The following TECPR2 variants were observed in gnomAD, a reference collection of about 807,000 sequenced individuals.
The protein encoded by TECPR2 is tectonin beta-propeller repeat containing 2, also known as tectonin beta-propeller repeat-containing protein 2.
Under a neutral mutation model 138.1 loss-of-function variants are expected in TECPR2, and 65 were observed. The observed-to-expected ratio is 0.47, with a 90% CI of 0.39 to 0.58. TECPR2 has a LOEUF of 0.58. TECPR2 is among the 20% of genes least tolerant of loss of function. TECPR2 has a pLI of 0.00. For synonymous variants in TECPR2, 746 were observed against 749.8 expected (o/e 0.99, Z 0.08); for missense variants, 1,553 against 1,824.5 (o/e 0.85, Z 2.71).
At chr14:102,380,996 G>A (rs1887796665) in intron 2 of TECPR2, among the ~76,000 whole-genome samples, 1 of 142,420 alleles carries the variant, frequency 7.0e-6, no homozygotes, top group Admixed American at 7.1e-5. Context: ...TTTTTTTTTG[G>A]CAGAGTTTCG....
intron 17 of TECPR2, among the ~76,000 whole-genome samples, chr14:102,477,803 C>T (rs1406738391): frequency 1.1e-4 from 15 of 135,332 alleles, no homozygotes; most frequent in African/African-American, 3.0e-4. Context: ...GGCGTGGTGG[C>T]GGGCGCCTGT....
intron 2 of TECPR2, among the ~76,000 whole-genome samples, chr14:102,401,908 C>T (rs890165313): frequency 7.3e-5 from 11 of 150,724 alleles, no homozygotes; most frequent in African/African-American, 2.2e-4. Flanking sequence ...GAAAAGGGAT[C>T]GGGGTGGCTA....
At chr14:102,461,642 C>T (rs1364992318) in intron 16 of TECPR2, among the ~76,000 whole-genome samples, 1 of 152,222 alleles carries the variant, frequency 6.6e-6, no homozygotes, top group Non-Finnish European at 1.5e-5. Context: ...ACACAGTGAA[C>T]CGTGGCCCCC....
In TECPR2 at chr14:102,386,976, C is replaced by T. The variant is rs117505088; in HGVS notation, c.219+10036C>T. ...TACTTCTTGTGAGAGGAGGTAGGCCCTCTGTGCAGTCTGTGGATTTCAAGG... is the reference window on the plus strand; with the variant it reads ...TACTTCTTGTGAGAGGAGGTAGGCCTTCTGTGCAGTCTGTGGATTTCAAGG... On this transcript the variant is annotated intron_variant, in intron 2 of 19. Transcript: ENST00000359520. 2.3e-3 allele frequency among the ~76,000 whole-genome samples: 351 copies of T among 152,232 alleles called. 12 individuals carry two copies. In the East Asian group the frequency reaches 0.047, roughly 20 times the overall value.
intron 18 of TECPR2, among the ~76,000 whole-genome samples, chr14:102,497,344 C>G (rs1405987192): frequency 6.6e-6 from 1 of 152,032 alleles, no homozygotes; most frequent in African/African-American, 2.4e-5. Context: ...AGTTTGCACA[C>G]TGCCCAGGCC....
chr14:102,490,855 AGAC>A (rs1317282068), intron 17 of TECPR2, among the ~76,000 whole-genome samples: 1 of 152,058 alleles, frequency 6.6e-6, no homozygotes, highest in Non-Finnish European at 1.5e-5. Context: ...AAGGGTCCTC[AGAC>A]GACATGTGCT....
At chr14:102,416,998 CAAAA>C (rs1243408396) in intron 5 of TECPR2, among the ~76,000 whole-genome samples, 1 of 151,932 alleles carries the variant, frequency 6.6e-6, no homozygotes, top group Non-Finnish European at 1.5e-5. Flanking sequence ...AAATCGAAAA[CAAAA>C]AAACAAAAAA....
In TECPR2 at chr14:102,362,966, C is replaced by CAG. The variant is rs1388472696; in HGVS notation, c.-223_-222insAG. 4 of 1,390,436 alleles carry CAG rather than the reference C, an allele frequency of 2.9e-6. No homozygotes were observed. The African/African-American group carries it at 5.7e-5, about 20-fold the overall frequency. 86.1% of individuals were successfully genotyped at this position (1,390,436 alleles called of 1,614,324 possible). A position where few individuals can be genotyped will look rare whatever the true frequency, so the allele number is the denominator to read the frequency against. ...ACTTGTGGCTCTGCCGCTCTAGCCC[C>CAG]CGGCGGAGCCAGCTGCTGCTCTTCG... On this transcript the variant is annotated 5_prime_UTR_variant, in exon 1 of 20. Coordinates refer to ENST00000359520, the MANE Select transcript of TECPR2 (RefSeq NM_014844.5).
In TECPR2 at chr14:102,443,014, TC is replaced by T. The variant is rs1889875016; in HGVS notation, c.2753-632del. ...AGACCTCAGATTTCATCTGGGAAAT[TC>T]GGGGTTTCATTTTATTAGTGGAACC... is the stretch of plus-strand genomic sequence containing the variant. On this transcript the variant is annotated intron_variant, in intron 11 of 19. Coordinates refer to ENST00000359520, the MANE Select transcript of TECPR2 (RefSeq NM_014844.5). This position sits in a 1 kb window ranked among gnomAD's most constrained non-coding sequence, Gnocchi z 4.9. Among the ~76,000 whole-genome samples the T allele has an allele frequency of 6.6e-6, 1 of 152,216 alleles. No homozygotes were observed. Among genetic ancestry groups the T allele is most frequent in the Non-Finnish European group, 1.5e-5 (1 of 68,036 alleles).
At position 102,402,761 on chromosome 14, in the gene TECPR2, G is replaced by A. The variant is rs59567389; in HGVS notation, c.220-4577G>A. On this transcript the variant is annotated intron_variant, in intron 2 of 19. Transcript: ENST00000359520. Reference sequence around the variant, plus strand: ...AAGGATTATGACAGGATGGTGATCTGTTGAATACCAACAGATTGGATAACC... The same window carrying A: ...AAGGATTATGACAGGATGGTGATCTATTGAATACCAACAGATTGGATAACC... Among the ~76,000 whole-genome samples, 3 of 152,244 alleles carry A rather than the reference G, an allele frequency of 2.0e-5. No individual in the cohort carries two copies. The East Asian group carries it at 5.8e-4, about 29-fold the overall frequency.
intron 17 of TECPR2, among the ~76,000 whole-genome samples, chr14:102,490,594 G>A (rs1891134171): frequency 6.6e-6 from 1 of 152,144 alleles, no homozygotes. Flanking sequence ...TGATTGCCGC[G>A]ACCACCCGGG....
chr14:102,482,838 C>CTTTTTTT (rs758301929), intron 17 of TECPR2, among the ~76,000 whole-genome samples: 77 of 96,570 alleles, frequency 8.0e-4, no homozygotes, highest in East Asian at 1.0e-3. Context: ...AGAAGCCTTT[C>CTTTTTTT]TTTTTTTTTT....
intron 2 of TECPR2, among the ~76,000 whole-genome samples, chr14:102,391,966 C>T (rs1888187939): frequency 6.6e-6 from 1 of 151,890 alleles, no homozygotes; most frequent in Non-Finnish European, 1.5e-5. Context: ...CTGCTGAAAC[C>T]CCTTTTTTTG....
intron 15 of TECPR2, among the ~76,000 whole-genome samples, chr14:102,451,624 C>T (rs1312526924): frequency 2.0e-5 from 3 of 152,184 alleles, no homozygotes; most frequent in South Asian, 2.1e-4. Flanking sequence ...CTGGCCCCTC[C>T]GTGGTTGTTT....
At chr14:102,430,081 C>T (rs1459850405) in intron 7 of TECPR2, among the ~76,000 whole-genome samples, 1 of 152,100 alleles carries the variant, frequency 6.6e-6, no homozygotes, top group African/African-American at 2.4e-5. Flanking sequence ...ATTCTCCTGC[C>T]TTAGCCTCCC....
rs1887647458 is a variant in TECPR2 at position 102,376,740 on chromosome 14, C to G, written c.19C>G (p.Pro7Ala). The G allele has an allele frequency of 6.2e-7, 1 of 1,614,076 alleles. No individual in the cohort carries two copies. The highest frequency in any genetic ancestry group is 1.3e-5 in the African/African-American group (1 of 74,932). MASISE[P>A]VTFREFCPLY... The stretch of plus-strand genomic sequence containing the variant: ...CTTGGCCATGGCATCGATATCAGAG[C>G]CTGTTACATTCAGAGAGTTCTGCCC... Residue 7 changes from proline (P) to alanine (A), a missense_variant, in exon 2 of 20, where the codon CCT becomes GCT. Physicochemically the swap from Pro to Ala is conservative, Grantham distance 27. Transcript: ENST00000359520.
chr14:102,404,510 A>G (rs1888595623), intron 2 of TECPR2, among the ~76,000 whole-genome samples: 1 of 152,158 alleles, frequency 6.6e-6, no homozygotes, highest in Non-Finnish European at 1.5e-5. Flanking sequence ...AGCATGATAC[A>G]TAAAAATAGA....
chr14:102,447,833 A>G (rs1012657499), intron 13 of TECPR2, among the ~76,000 whole-genome samples: 1 of 151,938 alleles, frequency 6.6e-6, no homozygotes, highest in Admixed American at 6.6e-5. Flanking sequence ...GCGCCCGGCC[A>G]GTATTTGATG....
chr14:102,499,969 G>A lies in TECPR2; in HGVS notation c.*1712G>A, dbSNP rs1034915581. ...GTTGGTGGCAGCAGAGGCAGCCCCA[G>A]GCCGGGCTGCATCTCTCTGTGTCTG... is the stretch of plus-strand genomic sequence containing the variant. On this transcript the variant is annotated 3_prime_UTR_variant, in exon 20 of 20. Transcript: ENST00000359520. 6.5e-6 allele frequency: 1 copy of A among 152,866 alleles called. No homozygotes were observed. Among genetic ancestry groups the A allele is most frequent in the African/African-American group, 2.4e-5 (1 of 41,454 alleles). The allele number at this position is 152,866 out of a possible 1,614,324, so 9.5% of individuals were successfully genotyped here. A position where few individuals can be genotyped will look rare whatever the true frequency, so the allele number is the denominator to read the frequency against.
Sources: gnomAD v4.1 joint callset for allele counts (sites outside exome capture counted in the v4.1 genomes callset) on GRCh38, gnomAD v4.1.1 for gene constraint, Gnocchi (gnomAD v3.1) non-coding constraint, MANE v1.5 for transcripts, NCBI Gene and HGNC (gene_info 2026-07-23, HGNC 2026-07-21) for gene names.